NCAM2: variants seen among roughly 807,000 people sequenced by gnomAD.
NCAM2 encodes neural cell adhesion molecule 2.
A neutral mutation model predicts 98.1 loss-of-function variants in NCAM2; 30 were observed. The ratio of observed to expected loss-of-function variants is 0.31; its 90% CI spans 0.23 to 0.41. The LOEUF is 0.41. Among genes scored for constraint, NCAM2 ranks in the 10% least tolerant of loss-of-function variants. The pLI is 1.00. For missense variants in NCAM2, 867 were observed against 1,005.8 expected (o/e 0.86, Z 1.87); for synonymous variants, 368 against 342.4 (o/e 1.07, Z -0.83).
At chr21:21,071,570 T>A (rs1374984196) in intron 1 of NCAM2, among the ~76,000 whole-genome samples, 1 of 152,144 alleles carries the variant, frequency 6.6e-6, no homozygotes, top group East Asian at 1.9e-4. Flanking sequence ...TTGAAAAAGG[T>A]TTATGCAGCT....
chr21:21,035,028 T>C (rs1203620292), intron 1 of NCAM2, among the ~76,000 whole-genome samples: 4 of 152,098 alleles, frequency 2.6e-5, no homozygotes, highest in Non-Finnish European at 5.9e-5. Flanking sequence ...TTGGGTAAAT[T>C]CCTCTCTTCT....
intron 1 of NCAM2, among the ~76,000 whole-genome samples, chr21:21,180,369 T>C (rs1292826534): frequency 6.6e-6 from 1 of 152,178 alleles, no homozygotes; most frequent in Non-Finnish European, 1.5e-5. Context: ...GTTCCTTATA[T>C]ATTTTGATTA....
intron 9 of NCAM2, among the ~76,000 whole-genome samples, chr21:21,395,144 C>A (rs1309987110): frequency 6.6e-6 from 1 of 152,044 alleles, no homozygotes; most frequent in Admixed American, 6.5e-5. Context: ...CCAGCCTGGG[C>A]AACATGGCGA....
At chr21:21,206,553 C>T (rs1234480364) in intron 1 of NCAM2, among the ~76,000 whole-genome samples, 2 of 152,064 alleles carry the variant, frequency 1.3e-5, no homozygotes, top group Non-Finnish European at 2.9e-5. Context: ...GAACACCACC[C>T]GCAATAAATT....
chr21:21,200,831 A>G (rs1030574854), intron 1 of NCAM2, among the ~76,000 whole-genome samples: 3 of 138,082 alleles, frequency 2.2e-5, no homozygotes, highest in Non-Finnish European at 1.5e-5. Flanking sequence ...AATTAGTCTT[A>G]TAAACTGTGT....
chr21:21,333,891 A>G (rs969614837), intron 6 of NCAM2, among the ~76,000 whole-genome samples: 4 of 152,114 alleles, frequency 2.6e-5, no homozygotes, highest in African/African-American at 9.7e-5. Context: ...TCATTTTTAT[A>G]CCTGTTGTAA....
chr21:21,492,487 A>T (rs1397638647), intron 15 of NCAM2, among the ~76,000 whole-genome samples: 1 of 151,932 alleles, frequency 6.6e-6, no homozygotes, highest in East Asian at 1.9e-4. Context: ...GACCAAGGTA[A>T]GTAAGCACAC....
At chr21:21,430,271 G>T (rs531558972) in intron 11 of NCAM2, among the ~76,000 whole-genome samples, 1 of 151,348 alleles carries the variant, frequency 6.6e-6, no homozygotes, top group African/African-American at 2.4e-5. Context: ...CAAGTAATCC[G>T]CCCACCTCAG....
Position 21,313,405 on chromosome 21 carries a change from T to C in NCAM2, c.620-10978T>C, listed in dbSNP as rs2074119796. On this transcript the variant is annotated intron_variant, in intron 5 of 17. Transcript: ENST00000400546. The stretch of plus-strand genomic sequence containing the variant: ...CAAGTTGAATGCACATGTAGGATTG[T>C]CATATTTTCCTGCTTAATTGGCCTT... 4.6e-5 allele frequency among the ~76,000 whole-genome samples: 7 copies of C among 151,952 alleles called. No individual in the cohort carries two copies. In the South Asian group the frequency reaches 1.4e-3, roughly 31 times the overall value.
At chr21:21,113,364 C>T (rs773077880) in intron 1 of NCAM2, among the ~76,000 whole-genome samples, 14 of 151,566 alleles carry the variant, frequency 9.2e-5, no homozygotes, top group South Asian at 2.1e-4. Context: ...TAAGAATGTC[C>T]GTCAAGAGGC....
At chr21:21,031,969 C>T (rs544555325) in intron 1 of NCAM2, among the ~76,000 whole-genome samples, 1 of 152,272 alleles carries the variant, frequency 6.6e-6, no homozygotes, top group Non-Finnish European at 1.5e-5. Flanking sequence ...TAACAGGGAG[C>T]ATGCTACATA....
chr21:21,236,260 T>C (rs1160442249), intron 1 of NCAM2, among the ~76,000 whole-genome samples: 1 of 151,720 alleles, frequency 6.6e-6, no homozygotes, highest in Non-Finnish European at 1.5e-5. Context: ...AATAGAGTAA[T>C]TTCTGCTAAC....
chr21:21,362,347 C>A (rs1390727053), intron 8 of NCAM2, among the ~76,000 whole-genome samples: 1 of 151,968 alleles, frequency 6.6e-6, no homozygotes, highest in African/African-American at 2.4e-5. Flanking sequence ...ACATGATAGA[C>A]CACTTTTCCA....
chr21:21,068,022 T>C (rs929746444), intron 1 of NCAM2, among the ~76,000 whole-genome samples: 16 of 152,146 alleles, frequency 1.1e-4, no homozygotes, highest in African/African-American at 3.6e-4. Flanking sequence ...ACTTTCTGAT[T>C]GAGGAACTTG....
At chr21:21,265,152 A>G (rs1302590082) in intron 1 of NCAM2, among the ~76,000 whole-genome samples, 1 of 115,876 alleles carries the variant, frequency 8.6e-6, no homozygotes, top group Non-Finnish European at 1.7e-5. Context: ...ATATATATAC[A>G]TATATACTTA....
rs1990117164 is a variant in NCAM2, at chr21:21,538,844, A to C, written c.*887A>C. ...TATTTTTAAAATAATTTATCAAAAA[A>C]CAAGTCTTTAGTGTTCAAATACTTC... On this transcript the variant is annotated 3_prime_UTR_variant, in exon 18 of 18. Coordinates refer to ENST00000400546, the MANE Select transcript of NCAM2 (RefSeq NM_004540.5). 1 of 152,258 alleles carries C rather than the reference A, an allele frequency of 6.6e-6. No individual in the cohort carries two copies. The highest frequency in any genetic ancestry group is 2.4e-5 in the African/African-American group (1 of 41,564). The allele number at this position is 152,258 out of a possible 1,614,324, so 9.4% of individuals were successfully genotyped here.
intron 7 of NCAM2, among the ~76,000 whole-genome samples, chr21:21,336,788 A>G (rs983533085): frequency 4.6e-5 from 7 of 152,218 alleles, no homozygotes; most frequent in Non-Finnish European, 1.0e-4. Flanking sequence ...AATAAAAAAT[A>G]CAATTTTAAA....
intron 1 of NCAM2, among the ~76,000 whole-genome samples, chr21:21,134,710 C>CTTTTTTTTTTTTTT (rs3071995): frequency 7.4e-6 from 1 of 134,358 alleles, no homozygotes; most frequent in Non-Finnish European, 1.6e-5. Flanking sequence ...ATATTGCAGC[C>CTTTTTTTTTTTTTT]TTTTTTTTTT....
At chr21:21,196,098 A>G (rs34784893) in intron 1 of NCAM2, among the ~76,000 whole-genome samples, 135,946 of 152,152 alleles carry the variant, frequency 0.89, 61,260 homozygotes, top group Non-Finnish European at 0.96. Flanking sequence ...AAAACTCTTT[A>G]GTGTGATTAA....
Sources: gnomAD v4.1 joint callset for allele counts (sites outside exome capture counted in the v4.1 genomes callset) on GRCh38, gnomAD v4.1.1 for gene constraint, MANE v1.5 for transcripts, NCBI Gene and HGNC (gene_info 2026-07-23, HGNC 2026-07-21) for gene names.